RILPL2: variants seen among roughly 807,000 people sequenced by gnomAD.
RILPL2 encodes the protein Rab interacting lysosomal protein like 2, also known as RILP-like protein 2.
Under a neutral mutation model 22.2 loss-of-function variants are expected in RILPL2, and 19 were observed. That is an observed-to-expected ratio of 0.86 (90% CI 0.60 to 1.25). The LOEUF (loss-of-function observed/expected upper bound fraction) is 1.25. Among genes scored for constraint, RILPL2 ranks in the 50% most tolerant of loss-of-function variants. The pLI is 0.00. For missense variants in RILPL2, 243 were observed against 263.6 expected (o/e 0.92, Z 0.54); for synonymous variants, 123 against 111.6 (o/e 1.10, Z -0.64).
downstream of RILPL2, chr12:123,413,113 T>A (rs1879017780): frequency 6.5e-6 from 1 of 153,114 alleles, no homozygotes; most frequent in African/African-American, 2.4e-5. Flanking sequence ...GGAGCATCGC[T>A]TGAATCTGGG....
chr12:123,435,454 C>A (rs1229645492), intron 1 of RILPL2, among the ~76,000 whole-genome samples: 1 of 152,004 alleles, frequency 6.6e-6, no homozygotes, highest in African/African-American at 2.4e-5. Flanking sequence ...AAATGTGTTT[C>A]TTGTCCAAGT....
chr12:123,433,104 CTTT>C (rs372639257), intron 1 of RILPL2, among the ~76,000 whole-genome samples: 2 of 134,262 alleles, frequency 1.5e-5, no homozygotes, highest in African/African-American at 2.7e-5. Flanking sequence ...GGTTTGTATA[CTTT>C]TTTTTTTTTT....
At chr12:123,430,413 A>G (rs938831985) in intron 2 of RILPL2, 95 bp downstream of exon 2, 3 of 1,339,468 alleles carry the variant, frequency 2.2e-6, no homozygotes, top group Non-Finnish European at 3.0e-6. Flanking sequence ...TGTCTCAAAA[A>G]AACAAAAACA....
chr12:123,422,906 T>A (rs1447788127), intron 3 of RILPL2, 138 bp downstream of exon 3: 1 of 644,012 alleles, frequency 1.6e-6, no homozygotes, highest in Non-Finnish European at 2.8e-6. Flanking sequence ...GCATTGAGTT[T>A]TCCCATGGGC....
intron 2 of RILPL2, among the ~76,000 whole-genome samples, chr12:123,424,238 G>A (rs1009616664): frequency 5.9e-5 from 9 of 151,760 alleles, no homozygotes; most frequent in Non-Finnish European, 1.0e-4. Flanking sequence ...ATTCTCTCAC[G>A]TAATTTATAT....
intron 3 of RILPL2, among the ~76,000 whole-genome samples, chr12:123,418,886 G>A (rs1021806389): frequency 2.0e-5 from 3 of 147,634 alleles, no homozygotes; most frequent in African/African-American, 7.5e-5. Context: ...TCAGCCTCTT[G>A]AGTAGCTGGG....
chr12:123,418,118 T>C (rs767388439), intron 3 of RILPL2, among the ~76,000 whole-genome samples: 3 of 151,758 alleles, frequency 2.0e-5, no homozygotes, highest in Non-Finnish European at 4.4e-5. Flanking sequence ...AGATGAGGTC[T>C]CTACAAAAAA....
At chr12:123,414,534 G>C (rs1157165363), downstream of RILPL2, 1 of 152,622 alleles carries the variant, frequency 6.6e-6, no homozygotes, top group Non-Finnish European at 1.5e-5. Flanking sequence ...GCGGGCTCCG[G>C]CCTTGGCCAG....
chr12:123,428,358 G>A (rs544811843), intron 2 of RILPL2, among the ~76,000 whole-genome samples: 2 of 152,078 alleles, frequency 1.3e-5, no homozygotes, highest in South Asian at 2.1e-4. Context: ...GGCTGGTCTC[G>A]ATCTCCTGAC....
chr12:123,410,431 G>A (rs1003661468), downstream of RILPL2, among the ~76,000 whole-genome samples: 5 of 152,120 alleles, frequency 3.3e-5, no homozygotes, highest in East Asian at 1.9e-4. Context: ...TTTGTCAGCC[G>A]TGTGACATTG....
intron 1 of RILPL2, among the ~76,000 whole-genome samples, chr12:123,432,491 G>A (rs1879680165): frequency 6.6e-6 from 1 of 152,194 alleles, no homozygotes; most frequent in Admixed American, 6.6e-5. Context: ...GGGTGACAAA[G>A]TGAGACCCTG....
intron 2 of RILPL2, among the ~76,000 whole-genome samples, chr12:123,428,221 C>T (rs893067310): frequency 6.6e-6 from 1 of 152,152 alleles, no homozygotes; most frequent in Non-Finnish European, 1.5e-5. Flanking sequence ...GCTGCAAGCT[C>T]CACCTCCCAG....
In RILPL2 at chr12:123,436,001, A is replaced by G; in HGVS notation, c.339+81T>C. 2 of 1,473,318 alleles carry G rather than the reference A, an allele frequency of 1.4e-6. No homozygotes were observed. The highest frequency in any genetic ancestry group is 1.8e-6 in the Non-Finnish European group (2 of 1,112,030). The allele number at this position is 1,473,318 out of a possible 1,614,324, so 91.3% of individuals were successfully genotyped here. A position where few individuals can be genotyped will look rare whatever the true frequency, so the allele number is the denominator to read the frequency against. ...AAGAGAAAAGAGAAGAGAAAAGAAA[A>G]GGAAGGCGTCTCCCTGCCAGTAGGT... On this transcript the variant is annotated intron_variant, in intron 1 of 3. Transcript: ENST00000280571. This position sits in a 1 kb window ranked among gnomAD's most constrained non-coding sequence, Gnocchi z 6.7.
chr12:123,430,392 G>A (rs1339105002), intron 2 of RILPL2, 116 bp downstream of exon 2: 22 of 1,070,446 alleles, frequency 2.1e-5, no homozygotes, highest in Non-Finnish European at 2.7e-5. Flanking sequence ...CTGGGCGACA[G>A]AGCGAGACTC....
intron 2 of RILPL2, among the ~76,000 whole-genome samples, chr12:123,428,955 T>A (rs945456707): frequency 5.9e-5 from 9 of 152,208 alleles, no homozygotes; most frequent in African/African-American, 2.2e-4. Context: ...TAACTCAGTG[T>A]TTCCCAGAAT....
downstream of RILPL2, chr12:123,411,707 G>A (rs537613047): frequency 6.6e-6 from 1 of 151,612 alleles, no homozygotes; most frequent in South Asian, 2.1e-4. Flanking sequence ...TGTATTTTTA[G>A]TAGAGACAGG....
intron 3 of RILPL2, among the ~76,000 whole-genome samples, chr12:123,418,338 T>G (rs184374480): frequency 1.3e-3 from 204 of 151,432 alleles, no homozygotes; most frequent in African/African-American, 4.8e-3. Context: ...TTTTCTTGTG[T>G]TTTTTTTCCC....
intron 1 of RILPL2, among the ~76,000 whole-genome samples, chr12:123,431,698 C>T (rs563087429): frequency 1.3e-4 from 19 of 150,572 alleles, no homozygotes; most frequent in Admixed American, 4.0e-4. Context: ...TGGTGGCAGG[C>T]GCCTGTAGTC....
chr12:123,436,098 G>A lies in RILPL2; in HGVS notation c.323C>T (p.Pro108Leu). The change falls in exon 1 of 4, where the codon CCT (proline) becomes CTT (leucine). Residue 108 changes from proline (P) to leucine (L), a missense_variant. Pro to Leu is a moderately conservative substitution (Grantham distance 98). Transcript: ENST00000280571. This position sits in a 1 kb window ranked among gnomAD's most constrained non-coding sequence, Gnocchi z 6.7. ...CACACTCACCTCCCCGCTGGCCGGA[G>A]GGCTCTGTCTCCGCAGCCCCTCCAC... The part of the protein sequence containing the change: ...KEVEGLRRQS[P>L]PASGEVNLGP... 1 of 1,578,388 alleles carries A rather than the reference G, an allele frequency of 6.3e-7. No individual in the cohort carries two copies. Among genetic ancestry groups the A allele is most frequent in the Non-Finnish European group, 8.6e-7 (1 of 1,162,512 alleles).
Sources: gnomAD v4.1 joint callset for allele counts (sites outside exome capture counted in the v4.1 genomes callset) on GRCh38, gnomAD v4.1.1 for gene constraint, Gnocchi (gnomAD v3.1) non-coding constraint, MANE v1.5 for transcripts, NCBI Gene and HGNC (gene_info 2026-07-23, HGNC 2026-07-21) for gene names.